Variants in PICALM observed in about 807,000 individuals in gnomAD.
PICALM encodes the protein phosphatidylinositol-binding clathrin assembly protein.
In PICALM, 40 loss-of-function variants were observed where a neutral mutation model predicts 80.5. The observed-to-expected ratio is 0.50, with a 90% CI of 0.39 to 0.65. The LOEUF (loss-of-function observed/expected upper bound fraction) is 0.65. Ranked by LOEUF, PICALM falls within the 30% of genes least tolerant of loss-of-function variation. PICALM has a pLI of 0.00. For synonymous variants in PICALM, 288 were observed against 260.3 expected, an observed-to-expected ratio of 1.11 and a Z score of -1.02; for missense variants, 676 against 778.9, an observed-to-expected ratio of 0.87 and a Z score of 1.57.
intron 1 of PICALM, among the ~76,000 whole-genome samples, chr11:86,053,731 A>G (rs943162539): frequency 1.2e-4 from 19 of 152,124 alleles, no homozygotes; most frequent in Admixed American, 5.9e-4. Context: ...CCATGCCCAA[A>G]TAATTTTTAT....
intron 11 of PICALM, among the ~76,000 whole-genome samples, chr11:85,998,410 C>T (rs541164537): frequency 1.3e-5 from 2 of 152,010 alleles, no homozygotes; most frequent in East Asian, 2.0e-4. Flanking sequence ...CATGCCCGGC[C>T]GACTTCTATG....
chr11:86,009,729 T>C (rs1322527689), intron 7 of PICALM, among the ~76,000 whole-genome samples: 1 of 151,942 alleles, frequency 6.6e-6, no homozygotes, highest in African/African-American at 2.4e-5. Context: ...ACTTTGTAAC[T>C]ACAACTACCA....
chr11:85,999,193 T>C (rs528728537), intron 11 of PICALM, among the ~76,000 whole-genome samples: 144 of 152,334 alleles, frequency 9.5e-4, no homozygotes, highest in Non-Finnish European at 1.8e-3. Flanking sequence ...TCCTTCTAAC[T>C]GTATTTTTAT....
intron 1 of PICALM, among the ~76,000 whole-genome samples, chr11:86,051,872 T>A (rs2096194896): frequency 1.3e-5 from 2 of 152,228 alleles, no homozygotes; most frequent in African/African-American, 2.4e-5. Flanking sequence ...TCTCTATGTC[T>A]TCTTACTAAT....
intron 1 of PICALM, among the ~76,000 whole-genome samples, chr11:86,034,979 A>G (rs2095815525): frequency 6.6e-6 from 1 of 152,230 alleles, no homozygotes; most frequent in South Asian, 2.1e-4. Context: ...AAATTTTTGC[A>G]AAGGATAAGG....
intron 12 of PICALM, 150 bp from the exon 13 acceptor site, chr11:85,990,549 T>A: frequency 2.4e-6 from 1 of 411,624 alleles, no homozygotes; most frequent in Non-Finnish European, 4.2e-6. Context: ...AAAAAATACC[T>A]AATCATCAAG....
At chr11:85,969,283 G>A (rs2094018331) in intron 19 of PICALM, among the ~76,000 whole-genome samples, 1 of 152,168 alleles carries the variant, frequency 6.6e-6, no homozygotes, top group African/African-American at 2.4e-5. Flanking sequence ...TGATATAATA[G>A]TAATCAGGCA....
rs143414195 is a variant in PICALM at position 86,056,562 on chromosome 11, T to C, written c.130+12089A>G. Among the ~76,000 whole-genome samples the C allele has an allele frequency of 3.1e-3, 473 of 152,248 alleles. 4 individuals carry two copies. Among genetic ancestry groups the C allele is most frequent in the South Asian group, 0.01 (50 of 4,824 alleles). The stretch of plus-strand genomic sequence containing the variant: ...AGTAGAGGAGAAACAGGAATCTTCA[T>C]ACATTGCTGATGGGAATGTAAAACA... On this transcript the variant is annotated intron_variant, in intron 1 of 19. Transcript: ENST00000393346.
At position 86,001,167 on chromosome 11, in the gene PICALM, A is replaced by C; in HGVS notation, c.894-9T>G. 6.2e-7 allele frequency: 1 copy of C among 1,611,714 alleles called. No homozygotes were observed. Among genetic ancestry groups the C allele is most frequent in the Non-Finnish European group, 8.5e-7 (1 of 1,179,124 alleles). Reference sequence around the variant, plus strand: ...TGGAAAGTGTAGTTGCCCTAGGATAATTGAACAGAGATAATTTGGCTTTTT... The same window carrying C: ...TGGAAAGTGTAGTTGCCCTAGGATACTTGAACAGAGATAATTTGGCTTTTT... On this transcript the variant is annotated splice_polypyrimidine_tract_variant and intron_variant, in intron 9 of 19. Transcript: ENST00000393346.
chr11:85,988,380 A>G lies in PICALM; in HGVS notation c.1408+1870T>C, dbSNP rs139023394. Among the ~76,000 whole-genome samples the G allele has an allele frequency of 4.9e-4, 75 of 152,320 alleles. No homozygotes were observed. In the East Asian group the frequency reaches 0.01, roughly 21 times the overall value. ...AAACTAGTGTGTTCTCTGAAAGCAA[A>G]TAAGTATATTTTTTCTTACCAAGTT... On this transcript the variant is annotated intron_variant, in intron 13 of 19. Transcript: ENST00000393346.
chr11:85,979,302 C>T (rs780829081), intron 17 of PICALM, among the ~76,000 whole-genome samples: 7 of 151,940 alleles, frequency 4.6e-5, no homozygotes, highest in Non-Finnish European at 8.8e-5. Context: ...CCAGCCTGGC[C>T]AACATAATAA....
intron 9 of PICALM, among the ~76,000 whole-genome samples, chr11:86,001,532 A>G (rs2095144870): frequency 1.3e-5 from 2 of 152,200 alleles, no homozygotes; most frequent in South Asian, 4.1e-4. Context: ...TCACAGGGAA[A>G]ACCCTCTGCT....
intron 1 of PICALM, among the ~76,000 whole-genome samples, chr11:86,056,758 G>C (rs72965166): frequency 0.16 from 23,972 of 152,078 alleles, 2,440 homozygotes; most frequent in Middle Eastern, 0.24. Context: ...AGCCCAAATG[G>C]CTAAACAACC....
At chr11:86,006,223 T>C (rs2095273709) in intron 8 of PICALM, among the ~76,000 whole-genome samples, 2 of 152,354 alleles carry the variant, frequency 1.3e-5, no homozygotes, top group South Asian at 2.1e-4. Context: ...AGTGGACATA[T>C]ACAGGATTCT....
chr11:86,009,413 G>A (rs1410343110), intron 7 of PICALM, among the ~76,000 whole-genome samples: 8 of 151,666 alleles, frequency 5.3e-5, no homozygotes, highest in African/African-American at 1.7e-4. Flanking sequence ...AAGTTTGGGC[G>A]GGATGCCATG....
chr11:85,990,259 T>G lies in PICALM; in HGVS notation c.1399A>C (p.Met467Leu). The change falls in exon 13 of 20, where the codon ATG (methionine) becomes CTG (leucine). Residue 467 changes from methionine (M) to leucine (L), a missense_variant. Physicochemically the swap from Met to Leu is conservative, Grantham distance 15 (BLOSUM62 2). Coordinates refer to ENST00000393346, the MANE Select transcript of PICALM (RefSeq NM_007166.4). Reference sequence around the variant, plus strand: ...TTAAATGGTACTTTACCAACAAACATTTCATGAGTAGGTGTCCTAGTAGTA... The same window carrying G: ...TTAAATGGTACTTTACCAACAAACAGTTCATGAGTAGGTGTCCTAGTAGTA... The part of the protein sequence containing the change: ...TFTTRTPTHE[M>L]FVGFTPSPVA... 6.3e-7 allele frequency: 1 copy of G among 1,590,616 alleles called. No homozygotes were observed. Among genetic ancestry groups the G allele is most frequent in the Non-Finnish European group, 8.6e-7 (1 of 1,162,920 alleles).
intron 7 of PICALM, among the ~76,000 whole-genome samples, chr11:86,007,944 G>A (rs574063214): frequency 4.0e-5 from 6 of 150,144 alleles, no homozygotes; most frequent in Admixed American, 3.3e-4. Flanking sequence ...CCATGAACAA[G>A]CTCTTTGATG....
In PICALM at chr11:85,974,818, AAAG is replaced by A; in HGVS notation, c.1840-9_1840-7del. The A allele has an allele frequency of 6.3e-7, 1 of 1,581,006 alleles. No individual in the cohort carries two copies. The highest frequency in any genetic ancestry group is 8.7e-7 in the Non-Finnish European group (1 of 1,149,876). On this transcript the variant is annotated splice_region_variant and splice_polypyrimidine_tract_variant and intron_variant, in intron 18 of 19. Transcript: ENST00000393346. ...ACACTTCCCATTTGTGGAGGCTAAA[AAAG>A]AGAAAAATATCAAAAGATACTGACT...
chr11:86,055,174 T>C (rs1325993347), intron 1 of PICALM, among the ~76,000 whole-genome samples: 1 of 151,574 alleles, frequency 6.6e-6, no homozygotes, highest in Admixed American at 6.6e-5. Context: ...TCTACTAAAA[T>C]ACAAAATTAG....
Sources: gnomAD v4.1 joint callset for allele counts (sites outside exome capture counted in the v4.1 genomes callset) on GRCh38, gnomAD v4.1.1 for gene constraint, MANE v1.5 for transcripts, NCBI Gene and HGNC (gene_info 2026-07-23, HGNC 2026-07-21) for gene names.